Variants in ASZ1 observed in about 807,000 individuals in gnomAD.
ASZ1 encodes the protein ankyrin repeat, SAM and basic leucine zipper domain-containing protein 1.
ASZ1 carries 67 observed loss-of-function variants against 61.8 expected under a neutral mutation model. That is an observed-to-expected ratio of 1.08 (90% CI 0.89 to 1.33). ASZ1 has a LOEUF of 1.33. ASZ1 is among the 40% of genes most tolerant of loss of function. The pLI is 0.00. For missense variants in ASZ1, 577 were observed against 554.5 expected, an observed-to-expected ratio of 1.04 and a Z score of -0.41; for synonymous variants, 193 against 192.7, an observed-to-expected ratio of 1.00 and a Z score of -0.01.
chr7:117,406,628 C>T (rs1796787008), intron 4 of ASZ1, among the ~76,000 whole-genome samples: 1 of 152,002 alleles, frequency 6.6e-6, no homozygotes, highest in Non-Finnish European at 1.5e-5. Context: ...TGGTCCATGC[C>T]TATAATCCCA....
chr7:117,395,431 T>G (rs550593191), intron 4 of ASZ1, among the ~76,000 whole-genome samples: 1 of 152,120 alleles, frequency 6.6e-6, no homozygotes. Flanking sequence ...ATACGATGTT[T>G]AATTCTATAT....
chr7:117,383,197 T>C (rs1796288546), intron 6 of ASZ1, 87 bp from the exon 7 acceptor site: 1 of 1,322,758 alleles, frequency 7.6e-7, no homozygotes, highest in Non-Finnish European at 9.8e-7. Flanking sequence ...GATTATCTCA[T>C]ATCCAGAAAG....
intron 12 of ASZ1, among the ~76,000 whole-genome samples, chr7:117,364,529 A>T (rs1795897821): frequency 6.6e-6 from 1 of 151,970 alleles, no homozygotes. Context: ...GCAGGAGAGA[A>T]AATAAGCAGA....
intron 4 of ASZ1, among the ~76,000 whole-genome samples, chr7:117,409,154 ATGAT>A (rs1441483674): frequency 1.3e-5 from 2 of 152,030 alleles, no homozygotes; most frequent in African/African-American, 4.8e-5. Context: ...GAAAGGGAAT[ATGAT>A]TGGGGAGGAT....
chr7:117,411,002 T>C (rs1441125551), intron 4 of ASZ1, among the ~76,000 whole-genome samples: 2 of 151,710 alleles, frequency 1.3e-5, no homozygotes, highest in Non-Finnish European at 3.0e-5. Flanking sequence ...TTGAGTTCAA[T>C]GTAGAAATAG....
intron 4 of ASZ1, among the ~76,000 whole-genome samples, chr7:117,401,101 C>A (rs1420328491): frequency 6.6e-6 from 1 of 151,990 alleles, no homozygotes; most frequent in East Asian, 1.9e-4. Flanking sequence ...GGATTAGCTA[C>A]AGAAGAGAAT....
chr7:117,383,218 C>A, intron 6 of ASZ1, 108 bp from the exon 7 acceptor site: 1 of 1,231,436 alleles, frequency 8.1e-7, no homozygotes, highest in East Asian at 3.1e-5. Flanking sequence ...GAAATTTTAG[C>A]AAGTAAGTGG....
At chr7:117,417,099 A>C (rs1797007690) in intron 4 of ASZ1, among the ~76,000 whole-genome samples, 1 of 152,104 alleles carries the variant, frequency 6.6e-6, no homozygotes. Context: ...ATGGAAACTG[A>C]GACTTCAATC....
At chr7:117,379,060 G>A (rs1796194342) in intron 10 of ASZ1, among the ~76,000 whole-genome samples, 1 of 149,736 alleles carries the variant, frequency 6.7e-6, no homozygotes, top group Admixed American at 6.7e-5. Context: ...CTATAAAGGG[G>A]TATTATGAGA....
chr7:117,397,145 G>A (rs774498788), intron 4 of ASZ1, among the ~76,000 whole-genome samples: 2 of 152,066 alleles, frequency 1.3e-5, no homozygotes, highest in Non-Finnish European at 2.9e-5. Context: ...GGATGCTGAG[G>A]CAGGAGTATC....
At chr7:117,409,056 A>C (rs1285767029) in intron 4 of ASZ1, among the ~76,000 whole-genome samples, 4 of 152,106 alleles carry the variant, frequency 2.6e-5, no homozygotes, top group African/African-American at 9.6e-5. Context: ...ACACGCACAG[A>C]TGGATGATCA....
At position 117,420,179 on chromosome 7, in the gene ASZ1, G is replaced by T; in HGVS notation, c.424C>A (p.Pro142Thr). The change falls in exon 4 of 13, where the codon CCA (proline) becomes ACA (threonine). Residue 142 changes from proline (P) to threonine (T), a missense_variant. Transcript: ENST00000284629. ...GGCTCTTACCTACAAGCAACATTTG[G>T]ATCAGCATTTCTTGAAAGTAGTAGT... ...VELLLSRNADPNVACRRLMTP... is the reference protein window; with the variant it reads ...VELLLSRNADTNVACRRLMTP... 2 of 1,609,964 alleles carry T rather than the reference G, an allele frequency of 1.2e-6. No individual in the cohort carries two copies. The highest frequency in any genetic ancestry group is 1.1e-5 in the South Asian group (1 of 90,718).
intron 4 of ASZ1, among the ~76,000 whole-genome samples, chr7:117,413,619 G>C (rs1245531756): frequency 6.6e-6 from 1 of 151,860 alleles, no homozygotes; most frequent in South Asian, 2.1e-4. Context: ...CTTTCAAGTT[G>C]TAAGTTTTTA....
At chr7:117,410,584 T>C (rs1036536430) in intron 4 of ASZ1, among the ~76,000 whole-genome samples, 1 of 151,564 alleles carries the variant, frequency 6.6e-6, no homozygotes, top group African/African-American at 2.4e-5. Context: ...GGGATTCTTG[T>C]TGAGAATTTC....
intron 4 of ASZ1, among the ~76,000 whole-genome samples, chr7:117,393,059 C>T (rs749811569): frequency 9.9e-5 from 15 of 151,900 alleles, no homozygotes; most frequent in Non-Finnish European, 7.4e-5. Context: ...GTTGGCCAGG[C>T]TGGTCTCAAA....
chr7:117,405,363 G>A (rs938997832), intron 4 of ASZ1, among the ~76,000 whole-genome samples: 2 of 152,220 alleles, frequency 1.3e-5, no homozygotes, highest in African/African-American at 4.8e-5. Context: ...ATCACAGCTT[G>A]TCTTGTAACT....
Position 117,363,521 on chromosome 7 carries a change from T to G in ASZ1, c.*75A>C. 8.0e-7 allele frequency: 1 copy of G among 1,243,386 alleles called. No individual in the cohort carries two copies. Among genetic ancestry groups the G allele is most frequent in the Non-Finnish European group, 1.1e-6 (1 of 939,614 alleles). 77.0% of individuals were successfully genotyped at this position (1,243,386 alleles called of 1,614,324 possible). A position where few individuals can be genotyped will look rare whatever the true frequency, so the allele number is the denominator to read the frequency against. The stretch of plus-strand genomic sequence containing the variant: ...CAAAGAATGTAAAGTTATATTGTGC[T>G]GCAAACAGTTAAAAGCAATGATTTT... On this transcript the variant is annotated 3_prime_UTR_variant, in exon 13 of 13. Transcript: ENST00000284629.
chr7:117,392,035 G>C (rs1796480781), intron 4 of ASZ1, among the ~76,000 whole-genome samples: 1 of 152,092 alleles, frequency 6.6e-6, no homozygotes, highest in Non-Finnish European at 1.5e-5. Flanking sequence ...CAGGTGATCT[G>C]TCTGCCCTCT....
At position 117,427,397 on chromosome 7, in the gene ASZ1, C is replaced by A; in HGVS notation, c.64G>T (p.Asp22Tyr). The change falls in exon 1 of 13, where the codon GAT becomes TAT. Residue 22 changes from aspartate (D) to tyrosine (Y), a missense_variant. By Grantham distance (160) the Asp-to-Tyr change is radical (BLOSUM62 -3). Coordinates refer to ENST00000284629, the MANE Select transcript of ASZ1 (RefSeq NM_130768.3). The part of the protein sequence containing the change: ...AGGGESSESE[D>Y]DGWEIGYLDR... ...AGATACCCAATCTCCCAGCCATCAT[C>A]CTCGCTCTCGCTACTCTCGCCTCCG... 3 of 1,614,220 alleles carry A rather than the reference C, an allele frequency of 1.9e-6. No homozygotes were observed. The African/African-American group carries it at 4.0e-5, about 22-fold the overall frequency.
Sources: gnomAD v4.1 joint callset for allele counts (sites outside exome capture counted in the v4.1 genomes callset) on GRCh38, gnomAD v4.1.1 for gene constraint, MANE v1.5 for transcripts, NCBI Gene and HGNC (gene_info 2026-07-23, HGNC 2026-07-21) for gene names.